Variants in NCOA2 observed in about 807,000 individuals in gnomAD.
The protein encoded by NCOA2 is nuclear receptor coactivator 2, also known as class E basic helix-loop-helix protein 75.
NCOA2 carries 21 observed loss-of-function variants against 145.1 expected under a neutral mutation model. The ratio of observed to expected loss-of-function variants is 0.14; its 90% CI spans 0.10 to 0.21. NCOA2 has a LOEUF of 0.21. Among genes scored for constraint, NCOA2 ranks in the 10% least tolerant of loss-of-function variants. NCOA2 has a pLI of 1.00. For synonymous variants in NCOA2, 619 were observed against 637.5 expected, an observed-to-expected ratio of 0.97 and a Z score of 0.44; for missense variants, 1,472 against 1,837.6, an observed-to-expected ratio of 0.80 and a Z score of 3.64.
intron 1 of NCOA2, among the ~76,000 whole-genome samples, chr8:70,319,447 TG>T (rs1346628553): frequency 6.6e-6 from 1 of 151,736 alleles, no homozygotes; most frequent in Non-Finnish European, 1.5e-5. Context: ...GAGGCTGAGG[TG>T]GGAGGATCAC....
chr8:70,416,187 G>GTTTT, the NCOA2 span, among the ~76,000 whole-genome samples: 49 of 136,780 alleles, frequency 3.6e-4, no homozygotes, highest in South Asian at 1.1e-3. Context: ...GGGGACCTCA[G>GTTTT]TTTTTTTGTT....
chr8:70,196,817 G>A (rs951341435), intron 4 of NCOA2, among the ~76,000 whole-genome samples: 3 of 152,186 alleles, frequency 2.0e-5, no homozygotes, highest in Non-Finnish European at 4.4e-5. Context: ...CCATTCTCAG[G>A]TAGGTAATGG....
intron 4 of NCOA2, among the ~76,000 whole-genome samples, chr8:70,209,377 T>C (rs989952879): frequency 6.6e-6 from 1 of 152,244 alleles, no homozygotes; most frequent in African/African-American, 2.4e-5. Flanking sequence ...ACAAAGGATT[T>C]AGAATATTCC....
In NCOA2 at chr8:70,157,185, G is replaced by C; in HGVS notation, c.1180C>G (p.Pro394Ala). ...CTGTTAGAGCTAATTGGATTCAGTG[G>C]CTTCCCCATCGTTTGTCCAGTCAGA... is the stretch of plus-strand genomic sequence containing the variant. ...PDLTGQTMGK[P>A]LNPISSNSPA... The change falls in exon 11 of 23, where the codon CCA (proline) becomes GCA (alanine). Residue 394 changes from proline (P) to alanine (A), a missense_variant. Physicochemically the swap from Pro to Ala is conservative, Grantham distance 27. This residue lies in a region of NCOA2 where 953 missense variants were observed against 1,062.1 expected (regional missense o/e 0.90). Coordinates refer to ENST00000452400, the MANE Select transcript of NCOA2 (RefSeq NM_006540.4). 2 of 1,595,376 alleles carry C rather than the reference G, an allele frequency of 1.3e-6. No homozygotes were observed. Among genetic ancestry groups the C allele is most frequent in the Non-Finnish European group, 1.7e-6 (2 of 1,168,092 alleles).
chr8:70,169,938 T>C (rs1341373597), intron 6 of NCOA2, among the ~76,000 whole-genome samples: 1 of 151,880 alleles, frequency 6.6e-6, no homozygotes, highest in Non-Finnish European at 1.5e-5. Context: ...CTTGGCCTTT[T>C]GGCTAAGAAG....
At chr8:70,377,238 A>C (rs1237819815) in intron 1 of NCOA2, among the ~76,000 whole-genome samples, 3 of 152,016 alleles carry the variant, frequency 2.0e-5, no homozygotes, top group African/African-American at 7.2e-5. Context: ...ATATACTCCT[A>C]AAATCCTGAT....
chr8:70,142,502 G>A (rs906564486), intron 13 of NCOA2, among the ~76,000 whole-genome samples: 3 of 152,006 alleles, frequency 2.0e-5, no homozygotes, highest in Non-Finnish European at 2.9e-5. Flanking sequence ...AATTCGAGGT[G>A]AGCCTGGGCA....
intron 1 of NCOA2, among the ~76,000 whole-genome samples, chr8:70,355,737 C>T (rs1306509652): frequency 6.6e-6 from 1 of 152,128 alleles, no homozygotes; most frequent in Non-Finnish European, 1.5e-5. Flanking sequence ...CAAAATACTG[C>T]CTGAAGCCCT....
chr8:70,172,119 C>A (rs1814322994), intron 5 of NCOA2, among the ~76,000 whole-genome samples: 1 of 152,056 alleles, frequency 6.6e-6, no homozygotes, highest in African/African-American at 2.4e-5. Context: ...AGCCAGTGCG[C>A]CAGTCTTTTT....
intron 1 of NCOA2, among the ~76,000 whole-genome samples, chr8:70,338,390 A>T (rs1586536910): frequency 6.6e-6 from 1 of 152,142 alleles, no homozygotes; most frequent in South Asian, 2.1e-4. Context: ...ACTGAACCAG[A>T]AAGAAACTGA....
At chr8:70,447,031 A>G in the NCOA2 span, among the ~76,000 whole-genome samples, 1 of 152,236 alleles carries the variant, frequency 6.6e-6, no homozygotes, top group Non-Finnish European at 1.5e-5. Context: ...GAAAATTCAC[A>G]CATACTACAG....
intron 1 of NCOA2, among the ~76,000 whole-genome samples, chr8:70,298,646 C>G (rs1400539123): frequency 6.6e-6 from 1 of 152,140 alleles, no homozygotes; most frequent in African/African-American, 2.4e-5. Context: ...CAATCAGGAG[C>G]TGAAACTTGT....
At chr8:70,448,405 A>G in the NCOA2 span, among the ~76,000 whole-genome samples, 1 of 152,218 alleles carries the variant, frequency 6.6e-6, no homozygotes, top group South Asian at 2.1e-4. Flanking sequence ...CAAAACAAAA[A>G]TATCAGAGTG....
At chr8:70,151,755 T>C (rs1811778494) in intron 11 of NCOA2, among the ~76,000 whole-genome samples, 1 of 152,222 alleles carries the variant, frequency 6.6e-6, no homozygotes, top group East Asian at 1.9e-4. Flanking sequence ...TTTGCCTGTG[T>C]TTATTCCTTG....
At chr8:70,402,333 A>C (rs1389607708) in intron 1 of NCOA2, 2 of 152,244 alleles carry the variant, frequency 1.3e-5, no homozygotes, top group African/African-American at 4.8e-5. Flanking sequence ...CTGGTTTGGG[A>C]AAGTTTCCCC....
At chr8:70,159,242 A>ATATATATATTTTTTTT in intron 10 of NCOA2, among the ~76,000 whole-genome samples, 1 of 61,076 alleles carries the variant, frequency 1.6e-5, no homozygotes, top group African/African-American at 5.4e-5. Flanking sequence ...ATATATATAT[A>ATATATATATTTTTTTT]TTTTTTTTTT....
intron 1 of NCOA2, among the ~76,000 whole-genome samples, chr8:70,301,060 C>T (rs1178513350): frequency 6.6e-6 from 1 of 152,176 alleles, no homozygotes; most frequent in Non-Finnish European, 1.5e-5. Flanking sequence ...GGAGTTCATA[C>T]ATGATCTTAC....
intron 1 of NCOA2, among the ~76,000 whole-genome samples, chr8:70,304,354 G>T (rs1309327806): frequency 3.9e-5 from 6 of 152,182 alleles, no homozygotes; most frequent in Non-Finnish European, 7.3e-5. Flanking sequence ...GAAACAATGG[G>T]TTACACCAGA....
chr8:70,178,757 C>T (rs1017773246), intron 4 of NCOA2, among the ~76,000 whole-genome samples: 1 of 152,112 alleles, frequency 6.6e-6, no homozygotes, highest in African/African-American at 2.4e-5. Context: ...TTGTTGTAAC[C>T]GAATTGGATT....
Sources: allele counts gnomAD v4.1 joint callset (sites outside exome capture counted in the v4.1 genomes callset), GRCh38; gene constraint gnomAD v4.1.1; regional missense constraint gnomAD v4.1.1; transcripts MANE v1.5; gene names NCBI Gene and HGNC (gene_info 2026-07-23, HGNC 2026-07-21).